PARD3: variants seen among roughly 807,000 people sequenced by gnomAD.
The protein encoded by PARD3 is partitioning defective 3 homolog.
PARD3 carries 75 observed loss-of-function variants against 155.4 expected under a neutral mutation model. The ratio of observed to expected loss-of-function variants is 0.48; its 90% CI spans 0.40 to 0.58. The LOEUF is 0.58. PARD3 is among the 20% of genes least tolerant of loss of function. PARD3 has a pLI of 0.00. For synonymous variants in PARD3, 576 were observed against 610.5 expected (o/e 0.94, Z 0.83); for missense variants, 1,642 against 1,721.7 (o/e 0.95, Z 0.82).
chr10:34,606,392 G>A (rs895649085), intron 2 of PARD3, among the ~76,000 whole-genome samples: 3 of 151,846 alleles, frequency 2.0e-5, no homozygotes, highest in South Asian at 2.1e-4. Context: ...CATGCCTGCC[G>A]GATCCAGTTC....
intron 1 of PARD3, among the ~76,000 whole-genome samples, chr10:34,793,287 G>A (rs776991472): frequency 9.9e-5 from 15 of 152,202 alleles, no homozygotes; most frequent in Non-Finnish European, 1.9e-4. Flanking sequence ...CAAGGGAGCT[G>A]GAGGGCAGTA....
chr10:34,188,071 G>A (rs1288820499), intron 22 of PARD3, among the ~76,000 whole-genome samples: 1 of 152,168 alleles, frequency 6.6e-6, no homozygotes, highest in Non-Finnish European at 1.5e-5. Context: ...TAAATCATGT[G>A]TTAGAATTAT....
At chr10:34,128,701 C>A (rs1303583198) in intron 23 of PARD3, among the ~76,000 whole-genome samples, 1 of 152,106 alleles carries the variant, frequency 6.6e-6, no homozygotes, top group Non-Finnish European at 1.5e-5. Flanking sequence ...TTCCTCAAAC[C>A]CTAATTTGGT....
At chr10:34,670,957 C>T (rs74816989) in intron 2 of PARD3, among the ~76,000 whole-genome samples, 2,887 of 152,286 alleles carry the variant, frequency 0.019, 94 homozygotes, top group African/African-American at 0.066. Flanking sequence ...AGCAACACAT[C>T]GGCGGCCATC....
At chr10:34,331,376 G>T in intron 18 of PARD3, 32 bp from the exon 19 acceptor site, 1 of 1,426,424 alleles carries the variant, frequency 7.0e-7, no homozygotes, top group Non-Finnish European at 9.9e-7. Context: ...AAATGTTAGT[G>T]TGAATTAGTG....
intron 12 of PARD3, 30 bp downstream of exon 12, chr10:34,372,468 T>C: frequency 6.4e-7 from 1 of 1,562,426 alleles, no homozygotes; most frequent in Non-Finnish European, 8.8e-7. Flanking sequence ...TTCCAACATC[T>C]CTGCATCCTT....
At chr10:34,125,107 G>A (rs572275199) in intron 23 of PARD3, among the ~76,000 whole-genome samples, 43 of 146,222 alleles carry the variant, frequency 2.9e-4, no homozygotes, top group African/African-American at 4.6e-4. Context: ...TGCTCTTGTC[G>A]CCAAGTTAGA....
chr10:34,217,737 A>G (rs1220334999), intron 22 of PARD3, among the ~76,000 whole-genome samples: 2 of 152,130 alleles, frequency 1.3e-5, no homozygotes, highest in Non-Finnish European at 2.9e-5. Context: ...TGGGATATTT[A>G]TTCAGTTCAT....
chr10:34,263,729 C>T (rs1955148477), intron 22 of PARD3, among the ~76,000 whole-genome samples: 1 of 152,188 alleles, frequency 6.6e-6, no homozygotes, highest in Non-Finnish European at 1.5e-5. Context: ...TTACACTCAA[C>T]TGCTTCTTAC....
chr10:34,430,229 C>T (rs1422269929), intron 5 of PARD3, among the ~76,000 whole-genome samples: 8 of 152,168 alleles, frequency 5.3e-5, no homozygotes, highest in Non-Finnish European at 1.0e-4. Flanking sequence ...TGTATGACTA[C>T]ATGAAAAACA....
chr10:34,629,371 T>C (rs890365178), intron 2 of PARD3, among the ~76,000 whole-genome samples: 1 of 152,220 alleles, frequency 6.6e-6, no homozygotes, highest in Non-Finnish European at 1.5e-5. Context: ...AGGAAGTCTT[T>C]CGCTCTGCAT....
rs531479259 is a variant in PARD3, at chr10:34,412,852, C to A, written c.715-10935G>T. Among the ~76,000 whole-genome samples the A allele has an allele frequency of 2.6e-5, 4 of 152,106 alleles. No homozygotes were observed. In the South Asian group the frequency reaches 8.3e-4, roughly 32 times the overall value. Reference sequence around the variant, plus strand: ...GATGCCTTCAGAGAAAGAGACATTACAATTTTTAGAAAAATGATTAAACAA... The same window carrying A: ...GATGCCTTCAGAGAAAGAGACATTAAAATTTTTAGAAAAATGATTAAACAA... On this transcript the variant is annotated intron_variant, in intron 5 of 24. Transcript: ENST00000374788.
At chr10:34,261,276 T>TA (rs992053146) in intron 22 of PARD3, among the ~76,000 whole-genome samples, 121 of 151,534 alleles carry the variant, frequency 8.0e-4, no homozygotes, top group African/African-American at 2.6e-3. Context: ...TTCAAGCAAA[T>TA]AAAAAAAACA....
chr10:34,359,712 T>C (rs1303237791), intron 13 of PARD3, among the ~76,000 whole-genome samples: 2 of 152,184 alleles, frequency 1.3e-5, no homozygotes, highest in Non-Finnish European at 2.9e-5. Flanking sequence ...CCAGGAAATT[T>C]TCTCTAGGCT....
chr10:34,245,779 C>T (rs1414870950), intron 22 of PARD3, among the ~76,000 whole-genome samples: 4 of 152,104 alleles, frequency 2.6e-5, no homozygotes, highest in Admixed American at 6.5e-5. Flanking sequence ...GTGGCAGCCA[C>T]GGTCTGGATA....
intron 2 of PARD3, among the ~76,000 whole-genome samples, chr10:34,533,810 A>G (rs1457482256): frequency 6.6e-6 from 1 of 150,424 alleles, no homozygotes; most frequent in Non-Finnish European, 1.5e-5. Context: ...CATCTAAAAA[A>G]ACAACAAAAA....
At chr10:34,116,949 AAGG>A (rs1466570691) in intron 24 of PARD3, among the ~76,000 whole-genome samples, 1 of 152,122 alleles carries the variant, frequency 6.6e-6, no homozygotes, top group Non-Finnish European at 1.5e-5. Context: ...CAGAGTAAAG[AAGG>A]GAGAGGAATG....
intron 3 of PARD3, among the ~76,000 whole-genome samples, chr10:34,486,256 G>A (rs2079461904): frequency 6.6e-6 from 1 of 152,130 alleles, no homozygotes; most frequent in Admixed American, 6.5e-5. Flanking sequence ...CCAAAGGGAG[G>A]AGGGTATAAA....
At chr10:34,681,749 T>TATATATATATATATATATAG (rs2093832978) in intron 2 of PARD3, among the ~76,000 whole-genome samples, 1 of 17,540 alleles carries the variant, frequency 5.7e-5, no homozygotes, top group Non-Finnish European at 1.0e-4. Context: ...TATATATATA[T>TATATATATATATATATATAG]ATATATATAT....
Sources: gnomAD v4.1 joint callset for allele counts (sites outside exome capture counted in the v4.1 genomes callset) on GRCh38, gnomAD v4.1.1 for gene constraint, MANE v1.5 for transcripts, NCBI Gene and HGNC (gene_info 2026-07-23, HGNC 2026-07-21) for gene names.